Variants in HERC6 observed in about 807,000 individuals in gnomAD.
HERC6 encodes the protein HECT and RLD domain containing E3 ubiquitin protein ligase family member 6, also known as probable E3 ubiquitin-protein ligase HERC6.
Under a neutral mutation model 114.5 loss-of-function variants are expected in HERC6, and 101 were observed. That is an observed-to-expected ratio of 0.88 (90% CI 0.75 to 1.04). The LOEUF (loss-of-function observed/expected upper bound fraction) is 1.04, where lower values mean the gene tolerates loss of function less well. HERC6 is among the 50% of genes least tolerant of loss of function. The probability of loss-of-function intolerance (pLI) is 0.00; values close to 1 mark genes in which losing one functional copy is unlikely to be tolerated. For synonymous variants in HERC6, 408 were observed against 436.2 expected (o/e 0.94, Z 0.81); for missense variants, 1,133 against 1,230.9 (o/e 0.92, Z 1.19).
chr4:88,435,929 T>A (rs371000005), intron 18 of HERC6, 38 bp downstream of exon 18: 1 of 1,473,958 alleles, frequency 6.8e-7, no homozygotes, highest in Non-Finnish European at 9.1e-7. Flanking sequence ...CCGTATCTAG[T>A]AAGTCTCAGT....
At chr4:88,385,077 G>A (rs956347895) in intron 2 of HERC6, among the ~76,000 whole-genome samples, 2 of 152,016 alleles carry the variant, frequency 1.3e-5, no homozygotes, top group Admixed American at 6.6e-5. Context: ...CACAAAAATG[G>A]CAATTTTGTA....
chr4:88,438,125 CAAA>C (rs746047106), intron 20 of HERC6, among the ~76,000 whole-genome samples: 21 of 43,946 alleles, frequency 4.8e-4, no homozygotes, highest in African/African-American at 1.5e-3. Context: ...GACTGTGTCT[CAAA>C]AAAAAAAAAA....
chr4:88,385,286 C>A (rs1452300911), intron 2 of HERC6, among the ~76,000 whole-genome samples: 2 of 152,070 alleles, frequency 1.3e-5, no homozygotes, highest in African/African-American at 4.8e-5. Context: ...CATTTATATA[C>A]TGTTTTGGAT....
rs546892279 is a variant in HERC6 at position 88,422,938 on chromosome 4, T to C, written c.1714-922T>C. On this transcript the variant is annotated intron_variant, in intron 13 of 22. Coordinates refer to ENST00000264346, the MANE Select transcript of HERC6 (RefSeq NM_017912.4). ...TTATTGAGATTTTCTATTTTTTTCT[T>C]GTATTGCTGGGTATTTCCCCAGGAT... Among the ~76,000 whole-genome samples, 109 of 152,216 alleles carry C rather than the reference T, an allele frequency of 7.2e-4. 1 individual carries two copies. The highest frequency in any genetic ancestry group is 2.8e-4 in the Non-Finnish European group (19 of 67,978).
intron 3 of HERC6, 110 bp from the exon 4 acceptor site, chr4:88,390,542 T>A: frequency 1.0e-6 from 1 of 954,836 alleles, no homozygotes; most frequent in Non-Finnish European, 1.5e-6. Context: ...TTTTTATTTG[T>A]CAATTATCCC....
intron 13 of HERC6, among the ~76,000 whole-genome samples, chr4:88,418,864 T>C (rs1736764377): frequency 6.6e-6 from 1 of 152,048 alleles, no homozygotes; most frequent in African/African-American, 2.4e-5. Flanking sequence ...ATAGCTGGGA[T>C]TACAGGCACC....
chr4:88,401,265 CG>C, intron 8 of HERC6, among the ~76,000 whole-genome samples: 2 of 151,964 alleles, frequency 1.3e-5, no homozygotes, highest in African/African-American at 4.8e-5. Context: ...GAGGCCGAGG[CG>C]GGTGGATCAC....
chr4:88,441,111 C>A (rs1355952492), intron 22 of HERC6, among the ~76,000 whole-genome samples: 1 of 151,856 alleles, frequency 6.6e-6, no homozygotes, highest in Admixed American at 6.6e-5. Context: ...TTTTCTGCAC[C>A]CTCTTTCCTC....
At position 88,384,200 on chromosome 4, in the gene HERC6, A is replaced by C. The variant is rs573360601; in HGVS notation, c.359+820A>C. Among the ~76,000 whole-genome samples the C allele has an allele frequency of 2.0e-5, 3 of 152,278 alleles. No homozygotes were observed. The East Asian group carries it at 5.8e-4, about 29-fold the overall frequency. The stretch of plus-strand genomic sequence containing the variant: ...AGAACCTTCTATACTTTCCCACTGA[A>C]GTCCCAAAACCCCGCCTTTTATTAA... On this transcript the variant is annotated intron_variant, in intron 2 of 22. Coordinates refer to ENST00000264346, the MANE Select transcript of HERC6 (RefSeq NM_017912.4).
intron 12 of HERC6, 46 bp downstream of exon 12, chr4:88,413,312 C>T (rs1736239448): frequency 1.4e-6 from 2 of 1,427,362 alleles, no homozygotes; most frequent in Non-Finnish European, 9.6e-7. Context: ...TAGAGTCACT[C>T]TCTGAAGTAG....
At chr4:88,416,643 T>A (rs868360679) in intron 12 of HERC6, among the ~76,000 whole-genome samples, 1 of 152,090 alleles carries the variant, frequency 6.6e-6, no homozygotes, top group African/African-American at 2.4e-5. Flanking sequence ...TTGATCCATA[T>A]GAAGTTTATC....
intron 3 of HERC6, among the ~76,000 whole-genome samples, chr4:88,386,492 C>T (rs1202245718): frequency 6.6e-6 from 1 of 152,106 alleles, no homozygotes; most frequent in African/African-American, 2.4e-5. Context: ...AGGCGTGAGC[C>T]ACTGTGCCCG....
intron 1 of HERC6, among the ~76,000 whole-genome samples, chr4:88,382,154 A>G (rs1329909349): frequency 1.3e-5 from 2 of 152,180 alleles, no homozygotes; most frequent in Non-Finnish European, 2.9e-5. Flanking sequence ...TAAATAGTTG[A>G]AAAAGATAAG....
chr4:88,424,820 T>C, intron 15 of HERC6, 118 bp downstream of exon 15: 1 of 645,780 alleles, frequency 1.5e-6, no homozygotes, highest in Non-Finnish European at 2.6e-6. Context: ...CACACTTTTA[T>C]CTATCACTTT....
chr4:88,437,442 A>G (rs146232997), intron 19 of HERC6, among the ~76,000 whole-genome samples: 165 of 152,282 alleles, frequency 1.1e-3, no homozygotes, highest in African/African-American at 3.8e-3. Flanking sequence ...ATACTCTCAA[A>G]TAAAGTGAAG....
chr4:88,386,192 T>C (rs1439467560), intron 3 of HERC6, among the ~76,000 whole-genome samples: 1 of 150,566 alleles, frequency 6.6e-6, no homozygotes, highest in Non-Finnish European at 1.5e-5. Flanking sequence ...TTTATCTTTT[T>C]TCTTTTCTTT....
At chr4:88,388,259 TAA>T (rs1734696377) in intron 3 of HERC6, among the ~76,000 whole-genome samples, 1 of 151,944 alleles carries the variant, frequency 6.6e-6, no homozygotes, top group South Asian at 2.1e-4. Flanking sequence ...CTGTCTCTAC[TAA>T]AAATATAGGC....
chr4:88,390,288 G>A (rs1163591931), intron 3 of HERC6, among the ~76,000 whole-genome samples: 1 of 151,812 alleles, frequency 6.6e-6, no homozygotes, highest in Non-Finnish European at 1.5e-5. Flanking sequence ...GTGGGTCAAA[G>A]GGTATAAACT....
At chr4:88,418,957 C>T (rs1736774693) in intron 13 of HERC6, among the ~76,000 whole-genome samples, 1 of 152,148 alleles carries the variant, frequency 6.6e-6, no homozygotes, top group Non-Finnish European at 1.5e-5. Context: ...GAACTCCTGA[C>T]CTCAAGTGAT....
Sources: gnomAD v4.1 joint callset for allele counts (sites outside exome capture counted in the v4.1 genomes callset) on GRCh38, gnomAD v4.1.1 for gene constraint, MANE v1.5 for transcripts, NCBI Gene and HGNC (gene_info 2026-07-23, HGNC 2026-07-21) for gene names.